Variants in GPC5 observed in about 807,000 individuals in gnomAD.
GPC5 encodes glypican 5.
GPC5 carries 47 observed loss-of-function variants against 53.9 expected under a neutral mutation model. That is an observed-to-expected ratio of 0.87 (90% CI 0.69 to 1.11). The LOEUF (loss-of-function observed/expected upper bound fraction) is 1.11. GPC5 is among the 50% of genes most tolerant of loss of function. The pLI is 0.00. For synonymous variants in GPC5, 286 were observed against 263.3 expected (o/e 1.09, Z -0.84); for missense variants, 748 against 713.1 (o/e 1.05, Z -0.56).
intron 7 of GPC5, among the ~76,000 whole-genome samples, chr13:92,406,865 T>C (rs2139343792): frequency 6.6e-6 from 1 of 152,308 alleles, no homozygotes; most frequent in South Asian, 2.1e-4. Flanking sequence ...TCTTGAAGAA[T>C]AAAATTTTAA....
intron 7 of GPC5, among the ~76,000 whole-genome samples, chr13:92,763,651 C>A (rs1339525315): frequency 5.9e-5 from 9 of 152,116 alleles, no homozygotes; most frequent in Non-Finnish European, 4.4e-5. Flanking sequence ...ACTTTGCCAC[C>A]TGGGTCTTGT....
intron 6 of GPC5, among the ~76,000 whole-genome samples, chr13:92,102,839 GT>G (rs1452474472): frequency 6.6e-6 from 1 of 152,120 alleles, no homozygotes; most frequent in Non-Finnish European, 1.5e-5. Context: ...GTGGATTGAG[GT>G]GTACAGGTTT....
At chr13:91,901,523 A>G (rs2039497065) in intron 5 of GPC5, among the ~76,000 whole-genome samples, 1 of 152,098 alleles carries the variant, frequency 6.6e-6, no homozygotes, top group Non-Finnish European at 1.5e-5. Context: ...AGTGCTGTGT[A>G]CAAGTTGAGT....
intron 6 of GPC5, among the ~76,000 whole-genome samples, chr13:91,970,606 TGAG>T (rs2139090215): frequency 6.6e-6 from 1 of 152,078 alleles, no homozygotes; most frequent in East Asian, 1.9e-4. Flanking sequence ...AGAAAAAAAA[TGAG>T]GAGTAATAAA....
intron 6 of GPC5, among the ~76,000 whole-genome samples, chr13:92,103,002 A>G (rs560613015): frequency 6.6e-6 from 1 of 152,256 alleles, no homozygotes; most frequent in South Asian, 2.1e-4. Flanking sequence ...GGGATGACAG[A>G]AGTGTTACCA....
chr13:91,461,803 A>G (rs1314971834), intron 2 of GPC5, among the ~76,000 whole-genome samples: 11 of 152,120 alleles, frequency 7.2e-5, no homozygotes, highest in Admixed American at 7.2e-4. Context: ...TGCAGGGCCC[A>G]GGCAGAAGAA....
chr13:92,317,314 G>A (rs1319489823), intron 7 of GPC5, among the ~76,000 whole-genome samples: 4 of 152,074 alleles, frequency 2.6e-5, no homozygotes, highest in African/African-American at 9.7e-5. Context: ...AATGCTTTGC[G>A]GGGAAGGGTG....
intron 6 of GPC5, among the ~76,000 whole-genome samples, chr13:91,981,743 A>C (rs1210668836): frequency 6.6e-6 from 1 of 152,238 alleles, no homozygotes; most frequent in Non-Finnish European, 1.5e-5. Context: ...GGTGTGAAAG[A>C]CATGTAACCA....
chr13:92,467,725 T>C (rs1007190962), intron 7 of GPC5, among the ~76,000 whole-genome samples: 2 of 152,148 alleles, frequency 1.3e-5, no homozygotes, highest in African/African-American at 4.8e-5. Flanking sequence ...CTACACTGCC[T>C]CTCAGTATTG....
intron 7 of GPC5, among the ~76,000 whole-genome samples, chr13:92,496,885 C>T (rs964880867): frequency 6.6e-6 from 1 of 152,130 alleles, no homozygotes; most frequent in Non-Finnish European, 1.5e-5. Flanking sequence ...TCTTGCTTGC[C>T]TCCTCAGAAG....
At chr13:92,119,771 C>G (rs999426453) in intron 6 of GPC5, among the ~76,000 whole-genome samples, 3 of 151,884 alleles carry the variant, frequency 2.0e-5, no homozygotes, top group South Asian at 2.1e-4. Context: ...ATAATGCCTC[C>G]TTTGAATTTC....
chr13:91,822,618 C>T (rs945620309), intron 5 of GPC5, among the ~76,000 whole-genome samples: 2 of 152,056 alleles, frequency 1.3e-5, no homozygotes, highest in Non-Finnish European at 2.9e-5. Context: ...ATCATGAAAA[C>T]AGCACAGGAA....
intron 6 of GPC5, among the ~76,000 whole-genome samples, chr13:92,124,981 A>G (rs2041683218): frequency 6.6e-6 from 1 of 152,176 alleles, no homozygotes; most frequent in South Asian, 2.1e-4. Context: ...AAAGTAATGC[A>G]GCGTTCCTTC....
intron 6 of GPC5, among the ~76,000 whole-genome samples, chr13:92,051,421 C>T (rs540756744): frequency 1.3e-5 from 2 of 151,512 alleles, no homozygotes; most frequent in South Asian, 2.1e-4. Context: ...AGGATGGTCT[C>T]GATCTCTTGA....
chr13:91,506,086 A>G (rs1259220185), intron 2 of GPC5, among the ~76,000 whole-genome samples: 1 of 152,134 alleles, frequency 6.6e-6, no homozygotes, highest in Non-Finnish European at 1.5e-5. Flanking sequence ...GGGAAAATTA[A>G]GGATCAGAGA....
chr13:92,560,163 T>G (rs1882648472), intron 7 of GPC5, among the ~76,000 whole-genome samples: 1 of 152,034 alleles, frequency 6.6e-6, no homozygotes, highest in African/African-American at 2.4e-5. Context: ...GAACCTATAT[T>G]TATTTTTTCA....
chr13:91,986,962 T>C (rs2040413853), intron 6 of GPC5, among the ~76,000 whole-genome samples: 1 of 152,166 alleles, frequency 6.6e-6, no homozygotes, highest in African/African-American at 2.4e-5. Context: ...GTGGGAGTTT[T>C]GAGCCAGGGG....
intron 7 of GPC5, among the ~76,000 whole-genome samples, chr13:92,613,354 AT>A (rs1413366953): frequency 1.0e-5 from 1 of 99,678 alleles, no homozygotes; most frequent in Non-Finnish European, 1.8e-5. Flanking sequence ...ATATATAAAT[AT>A]ATAATATATT....
chr13:92,267,258 T>C (rs2042809131), intron 7 of GPC5, among the ~76,000 whole-genome samples: 1 of 152,104 alleles, frequency 6.6e-6, no homozygotes, highest in Non-Finnish European at 1.5e-5. Context: ...TTTTTTTGTT[T>C]TTAAGATTTT....
Sources: gnomAD v4.1 joint callset for allele counts (sites outside exome capture counted in the v4.1 genomes callset) on GRCh38, gnomAD v4.1.1 for gene constraint, MANE v1.5 for transcripts, NCBI Gene and HGNC (gene_info 2026-07-23, HGNC 2026-07-21) for gene names.